The following C1GALT1 variants were observed in gnomAD, a reference collection of about 807,000 sequenced individuals.
C1GALT1 encodes glycoprotein-N-acetylgalactosamine 3-beta-galactosyltransferase 1.
C1GALT1 carries 11 observed loss-of-function variants against 31.0 expected under a neutral mutation model. That is an observed-to-expected ratio of 0.36 (90% CI 0.22 to 0.59). C1GALT1 has a LOEUF of 0.59. Ranked by LOEUF, C1GALT1 falls within the 20% of genes least tolerant of loss-of-function variation. C1GALT1 has a pLI of 0.79. For synonymous variants in C1GALT1, 175 were observed against 143.6 expected (o/e 1.22, Z -1.56); for missense variants, 424 against 425.2 (o/e 1.00, Z 0.03).
chr7:7,163,255 C>A (rs146477850), intron 2 of C1GALT1, among the ~76,000 whole-genome samples: 6 of 152,044 alleles, frequency 3.9e-5, no homozygotes, highest in African/African-American at 9.7e-5. Flanking sequence ...TTAGGTCTAA[C>A]GTTTAAGTCT....
intron 1 of C1GALT1, among the ~76,000 whole-genome samples, chr7:7,223,942 T>C (rs1782630630): frequency 6.6e-6 from 1 of 152,164 alleles, no homozygotes; most frequent in Non-Finnish European, 1.5e-5. Flanking sequence ...AAATTCCTTC[T>C]GTTTTTGTTT....
At chr7:7,235,594 C>T (rs1489023626) in intron 2 of C1GALT1, among the ~76,000 whole-genome samples, 1 of 152,100 alleles carries the variant, frequency 6.6e-6, no homozygotes, top group Non-Finnish European at 1.5e-5. Context: ...AATAGTAAGC[C>T]GTACGAGGCC....
At position 7,238,386 on chromosome 7, in the gene C1GALT1, G is replaced by C. The variant is rs1429457677; in HGVS notation, c.352G>C (p.Val118Leu). 1.9e-6 allele frequency: 3 copies of C among 1,614,098 alleles called. No individual in the cohort carries two copies. Among genetic ancestry groups the C allele is most frequent in the Non-Finnish European group, 2.5e-6 (3 of 1,179,994 alleles). The change falls in exon 3 of 4, where the codon GTG (valine) becomes CTG (leucine). Residue 118 changes from valine (V) to leucine (L), a missense_variant. By Grantham distance (32) the Val-to-Leu change is conservative (BLOSUM62 1). This residue lies in a region of C1GALT1 where 189 missense variants were observed against 158.2 expected (regional missense o/e 1.19). Coordinates refer to ENST00000436587, the MANE Select transcript of C1GALT1 (RefSeq NM_020156.5). This position sits in a 1 kb window ranked among gnomAD's most constrained non-coding sequence, Gnocchi z 5.2. ...KATWAQRCNK[V>L]LFMSSEENKD... ...TACTTGGGCCCAGCGTTGTAACAAA[G>C]TGTTGTTTATGAGTTCAGAAGAAAA...
intron 3 of C1GALT1, among the ~76,000 whole-genome samples, chr7:7,240,069 C>T (rs939461596): frequency 1.3e-5 from 2 of 152,192 alleles, no homozygotes; most frequent in Admixed American, 6.5e-5. Context: ...ACACTTCATG[C>T]TACTACTGTC....
chr7:7,165,418 G>T lies in C1GALT1; in HGVS notation c.-18+7992G>T, dbSNP rs539531700. On this transcript the variant is annotated intron_variant, in intron 2 of 3. Transcript: ENST00000429911. The stretch of plus-strand genomic sequence containing the variant: ...TTTGTGAATGCATCACTCTATTTCA[G>T]TTACGCTAAGGGAATAAGAAAAAAA... 2.6e-5 allele frequency among the ~76,000 whole-genome samples: 4 copies of T among 152,188 alleles called. No homozygotes were observed. In the East Asian group the frequency reaches 5.8e-4, roughly 22 times the overall value.
chr7:7,195,213 A>T (rs1216934037), intron 1 of C1GALT1, among the ~76,000 whole-genome samples: 3 of 151,008 alleles, frequency 2.0e-5, no homozygotes, highest in African/African-American at 7.3e-5. Flanking sequence ...CTTCTTCTGG[A>T]TTTGGGTTTG....
At chr7:7,230,989 C>T (rs181704134) in intron 1 of C1GALT1, among the ~76,000 whole-genome samples, 2 of 152,128 alleles carry the variant, frequency 1.3e-5, no homozygotes, top group Admixed American at 6.5e-5. Flanking sequence ...TTCCTTCCTA[C>T]ATCTCTGAAT....
intron 1 of C1GALT1, among the ~76,000 whole-genome samples, chr7:7,201,166 G>A (rs1014213401): frequency 2.6e-5 from 4 of 152,268 alleles, no homozygotes; most frequent in Admixed American, 6.5e-5. Context: ...TGATGGTGAC[G>A]TACAAAATGG....
At chr7:7,197,884 AT>A (rs1346175268) in intron 1 of C1GALT1, among the ~76,000 whole-genome samples, 5 of 152,136 alleles carry the variant, frequency 3.3e-5, no homozygotes. Flanking sequence ...TTGCACATTG[AT>A]TTTGTATCCT....
chr7:7,183,993 A>G (rs1583739177), intron 1 of C1GALT1, among the ~76,000 whole-genome samples: 1 of 152,206 alleles, frequency 6.6e-6, no homozygotes, highest in East Asian at 1.9e-4. Context: ...CATAATTTCA[A>G]GTTGCTTCAT....
chr7:7,210,245 C>G (rs1341934919), intron 1 of C1GALT1, among the ~76,000 whole-genome samples: 1 of 151,422 alleles, frequency 6.6e-6, no homozygotes, highest in Admixed American at 6.6e-5. Context: ...AATTGTGGGA[C>G]TATTTTAAAG....
chr7:7,175,983 G>A, intron 2 of C1GALT1, among the ~76,000 whole-genome samples: 1 of 152,056 alleles, frequency 6.6e-6, no homozygotes, highest in East Asian at 1.9e-4. Flanking sequence ...AGGGTTGGGG[G>A]GCTTTCCAAA....
At chr7:7,232,616 GGTA>G (rs1783140898) in intron 1 of C1GALT1, among the ~76,000 whole-genome samples, 1 of 151,796 alleles carries the variant, frequency 6.6e-6, no homozygotes, top group Non-Finnish European at 1.5e-5. Flanking sequence ...CAGTCTCCCA[GGTA>G]GCTGGGATTA....
At chr7:7,225,389 A>G (rs956609197) in intron 1 of C1GALT1, among the ~76,000 whole-genome samples, 7 of 152,218 alleles carry the variant, frequency 4.6e-5, no homozygotes, top group South Asian at 2.1e-4. Context: ...AGTATATAGC[A>G]TAGTGCTGTG....
At chr7:7,207,335 CTTTTTT>C (rs57510429) in intron 1 of C1GALT1, among the ~76,000 whole-genome samples, 332 of 47,838 alleles carry the variant, frequency 6.9e-3, no homozygotes, top group Non-Finnish European at 8.7e-3. Context: ...TACTCTGTTG[CTTTTTT>C]TTTTTTTTTT....
At chr7:7,233,617 T>C (rs946939767) in intron 1 of C1GALT1, among the ~76,000 whole-genome samples, 1 of 152,242 alleles carries the variant, frequency 6.6e-6, no homozygotes, top group African/African-American at 2.4e-5. Context: ...TTGTGAGACA[T>C]ATTGCCTCTA....
rs1441656825 is a variant in C1GALT1, at chr7:7,238,981, A to C, written c.888+59A>C. 7.4e-7 allele frequency: 1 copy of C among 1,344,798 alleles called. No individual in the cohort carries two copies. Among genetic ancestry groups the C allele is most frequent in the Admixed American group, 2.2e-5 (1 of 45,502 alleles). The allele number at this position is 1,344,798 out of a possible 1,614,324, so 83.3% of individuals were successfully genotyped here. ...TTGGACTGACTGAATTTTGTTGATA[A>C]AAACATGTTAATATGTGTATGTTTC... is the stretch of plus-strand genomic sequence containing the variant. On this transcript the variant is annotated intron_variant, in intron 3 of 3. Coordinates refer to ENST00000436587, the MANE Select transcript of C1GALT1 (RefSeq NM_020156.5). This position sits in a 1 kb window ranked among gnomAD's most constrained non-coding sequence, Gnocchi z 5.2.
At chr7:7,162,817 G>A (rs1225454416) in intron 2 of C1GALT1, among the ~76,000 whole-genome samples, 3 of 152,268 alleles carry the variant, frequency 2.0e-5, no homozygotes, top group Non-Finnish European at 2.9e-5. Flanking sequence ...TCTAACTGGT[G>A]TGAGATGGTA....
At chr7:7,234,612 T>A in intron 2 of C1GALT1, 73 bp downstream of exon 2, 1 of 1,118,892 alleles carries the variant, frequency 8.9e-7, no homozygotes, top group Non-Finnish European at 1.3e-6. Flanking sequence ...CCTGTCTGTA[T>A]CTGTTAATTA....
Sources: allele counts gnomAD v4.1 joint callset (sites outside exome capture counted in the v4.1 genomes callset), GRCh38; gene constraint gnomAD v4.1.1; regional missense constraint gnomAD v4.1.1; non-coding constraint Gnocchi (gnomAD v3.1); transcripts MANE v1.5; gene names NCBI Gene and HGNC (gene_info 2026-07-23, HGNC 2026-07-21).